Variants in ZNF808 observed in about 807,000 individuals in gnomAD.
ZNF808 encodes the protein zinc finger protein 808.
Under a neutral mutation model 8.7 loss-of-function variants are expected in ZNF808, and 5 were observed. That is an observed-to-expected ratio of 0.58 (90% CI 0.30 to 1.21). The LOEUF is 1.21. Among genes scored for constraint, ZNF808 ranks in the 50% most tolerant of loss-of-function variants. ZNF808 has a pLI of 0.07. For synonymous variants in ZNF808, 380 were observed against 366.0 expected (o/e 1.04, Z -0.44); for missense variants, 1,103 against 1,098.4 (o/e 1.00, Z -0.06).
Position 52,538,428 on chromosome 19 carries a change from TGC to T in ZNF808, c.-19-4837_-19-4836del. 2.6e-5 allele frequency among the ~76,000 whole-genome samples: 4 copies of T among 151,198 alleles called. No homozygotes were observed. The Admixed American group carries it at 2.7e-4, about 10-fold the overall frequency. On this transcript the variant is annotated intron_variant, in intron 2 of 4. Transcript: ENST00000359798. The stretch of plus-strand genomic sequence containing the variant: ...CACAATCTTGGCTAATGACTCTCTG[TGC>T]CTTTAGAGTTGAAGCGATTCTCCTG...
downstream of ZNF808, among the ~76,000 whole-genome samples, chr19:52,566,394 G>GACCTCAGGTGATCCACCT (rs1233480700): frequency 6.6e-6 from 1 of 151,986 alleles, no homozygotes; most frequent in Non-Finnish European, 1.5e-5. Flanking sequence ...TTGAATTCCT[G>GACCTCAGGTGATCCACCT]ACCTCAGGTG....
chr19:52,534,933 A>C (rs1046970550), intron 2 of ZNF808, among the ~76,000 whole-genome samples: 4 of 152,012 alleles, frequency 2.6e-5, no homozygotes, highest in Admixed American at 1.3e-4. Flanking sequence ...AAAGTAATAG[A>C]TCTCTTTCAC....
chr19:52,535,807 G>T (rs867533307), intron 2 of ZNF808, among the ~76,000 whole-genome samples: 2 of 152,122 alleles, frequency 1.3e-5, no homozygotes, highest in Admixed American at 6.5e-5. Flanking sequence ...CTTCCTGGCC[G>T]CTCTCACCTC....
At chr19:52,544,491 C>G (rs747587916) in intron 3 of ZNF808, among the ~76,000 whole-genome samples, 1 of 151,962 alleles carries the variant, frequency 6.6e-6, no homozygotes, top group Non-Finnish European at 1.5e-5. Context: ...CCACCACACC[C>G]AGCTAATTTT....
chr19:52,533,378 T>G (rs1176160651), intron 2 of ZNF808, among the ~76,000 whole-genome samples: 2 of 151,928 alleles, frequency 1.3e-5, no homozygotes, highest in African/African-American at 4.8e-5. Flanking sequence ...AGGCACCCGC[T>G]ATAATGCCTG....
At chr19:52,561,197 T>TA (rs2059856254), downstream of ZNF808, among the ~76,000 whole-genome samples, 1 of 51,578 alleles carries the variant, frequency 1.9e-5, no homozygotes, top group Non-Finnish European at 4.4e-5. Flanking sequence ...TCTCTCTCTC[T>TA]CTCTCTCTCT....
At position 52,556,214 on chromosome 19, in the gene ZNF808, C is replaced by T. The variant is rs180718273; in HGVS notation, c.*586C>T. The T allele has an allele frequency of 4.5e-4, 109 of 243,524 alleles. No individual in the cohort carries two copies. The East Asian group carries it at 9.5e-3, about 21-fold the overall frequency. The allele number at this position is 243,524 out of a possible 1,614,324, so 15.1% of individuals were successfully genotyped here. On this transcript the variant is annotated 3_prime_UTR_variant, in exon 5 of 5. Transcript: ENST00000359798. ...GTGGCTCAGGCCTGTAATCCCAGCA[C>T]GTTGGAAGACCAAGGCACATAGGTC...
chr19:52,559,636 G>A (rs936328508), downstream of ZNF808, among the ~76,000 whole-genome samples: 1 of 152,148 alleles, frequency 6.6e-6, no homozygotes, highest in Non-Finnish European at 1.5e-5. Context: ...ATGCCCACAG[G>A]TGTGGAGGGG....
At chr19:52,564,192 TA>T in exon 4 of ZNF808, 2 of 826,930 alleles carry the variant, frequency 2.4e-6, no homozygotes, top group East Asian at 2.5e-5. Flanking sequence ...GGTCCAACTT[TA>T]AAAGGAGACA....
intron 1 of ZNF808, among the ~76,000 whole-genome samples, chr19:52,528,883 G>T (rs1449458981): frequency 6.6e-6 from 1 of 152,084 alleles, no homozygotes; most frequent in Non-Finnish European, 1.5e-5. Flanking sequence ...GGAGCAATAA[G>T]AGGTTAAATA....
At chr19:52,566,083 T>C (rs555999147), downstream of ZNF808, among the ~76,000 whole-genome samples, 4 of 152,280 alleles carry the variant, frequency 2.6e-5, no homozygotes, top group African/African-American at 9.6e-5. Flanking sequence ...CTCCTTCATA[T>C]TTATTCACCA....
intron 3 of ZNF808, among the ~76,000 whole-genome samples, chr19:52,544,913 A>G (rs1180354713): frequency 6.6e-6 from 1 of 152,152 alleles, no homozygotes. Context: ...CCTCCTGAGT[A>G]TCTGGGATTA....
At chr19:52,552,890 T>C (rs1339422985) in intron 4 of ZNF808, among the ~76,000 whole-genome samples, 1 of 152,228 alleles carries the variant, frequency 6.6e-6, no homozygotes, top group Non-Finnish European at 1.5e-5. Flanking sequence ...CAGTGTTTTG[T>C]CATGATATAG....
At position 52,553,256 on chromosome 19, in the gene ZNF808, G is replaced by A. The variant is rs2059795818; in HGVS notation, c.340G>A (p.Glu114Lys). 1.9e-6 allele frequency: 3 copies of A among 1,613,604 alleles called. No individual in the cohort carries two copies. In the Admixed American group the frequency reaches 5.0e-5, roughly 27 times the overall value. The change falls in exon 5 of 5, where the codon GAG (glutamate) becomes AAG (lysine). Residue 114 changes from glutamate (E) to lysine (K), a missense_variant. By Grantham distance (56) the Glu-to-Lys change is moderately conservative (BLOSUM62 1). Coordinates refer to ENST00000359798, the MANE Select transcript of ZNF808 (RefSeq NM_001039886.4). ...AATTGAGAAAGAAATTCATAACATTGAGTTTCAGTGTCAAGAAGATGAAAG... is the reference window on the plus strand; with the variant it reads ...AATTGAGAAAGAAATTCATAACATTAAGTTTCAGTGTCAAGAAGATGAAAG... ...QEIEKEIHNIEFQCQEDERNG... is the reference protein window; with the variant it reads ...QEIEKEIHNIKFQCQEDERNG...
chr19:52,541,690 A>C (rs902031124), intron 2 of ZNF808, among the ~76,000 whole-genome samples: 17 of 152,060 alleles, frequency 1.1e-4, no homozygotes, highest in African/African-American at 3.9e-4. Context: ...AAATATTAAA[A>C]AAAAAAAAGC....
chr19:52,543,218 G>A, intron 2 of ZNF808, 48 bp from the exon 3 acceptor site: 1 of 1,591,280 alleles, frequency 6.3e-7, no homozygotes, highest in Non-Finnish European at 8.6e-7. Flanking sequence ...GTCACAGGAA[G>A]GGAGTGAGTC....
chr19:52,554,387 A>G lies in ZNF808; in HGVS notation c.1471A>G (p.Thr491Ala), dbSNP rs1350488272. 1.1e-5 allele frequency: 18 copies of G among 1,613,774 alleles called. No individual in the cohort carries two copies. The highest frequency in any genetic ancestry group is 2.2e-5 in the South Asian group (2 of 91,056). Reference protein sequence around the residue: ...KTYKCNECRKTFSRRSSLLCH... With the variant: ...KTYKCNECRKAFSRRSSLLCH... ...TTACAAGTGTAATGAGTGTCGCAAG[A>G]CCTTCAGCCGCAGGTCATCCCTTCT... The change falls in exon 5 of 5, where the codon ACC (threonine) becomes GCC (alanine). Residue 491 changes from threonine to alanine, a missense_variant. By Grantham distance (58) the Thr-to-Ala change is moderately conservative (BLOSUM62 0). Coordinates refer to ENST00000359798, the MANE Select transcript of ZNF808 (RefSeq NM_001039886.4).
intron 3 of ZNF808, among the ~76,000 whole-genome samples, chr19:52,561,850 T>C (rs2059859500): frequency 6.6e-6 from 1 of 152,086 alleles, no homozygotes; most frequent in Non-Finnish European, 1.5e-5. Context: ...CCTGGCTGCC[T>C]CCAGGGTTTT....
downstream of ZNF808, among the ~76,000 whole-genome samples, chr19:52,560,877 G>T (rs999847038): frequency 6.6e-6 from 1 of 152,030 alleles, no homozygotes; most frequent in Non-Finnish European, 1.5e-5. Context: ...CATTGATTTG[G>T]ATGCAAAATA....
Sources: allele counts gnomAD v4.1 joint callset (sites outside exome capture counted in the v4.1 genomes callset), GRCh38; gene constraint gnomAD v4.1.1; transcripts MANE v1.5; gene names NCBI Gene and HGNC (gene_info 2026-07-23, HGNC 2026-07-21).